Variants in CASP1 observed in about 807,000 individuals in gnomAD.
The protein encoded by CASP1 is caspase 1.
Under a neutral mutation model 41.2 loss-of-function variants are expected in CASP1, and 31 were observed. That is an observed-to-expected ratio of 0.75 (90% CI 0.57 to 1.02). CASP1 has a LOEUF of 1.02. Among genes scored for constraint, CASP1 ranks in the 50% least tolerant of loss-of-function variants. The pLI is 0.00. For synonymous variants in CASP1, 163 were observed against 166.5 expected (o/e 0.98, Z 0.16); for missense variants, 490 against 495.7 (o/e 0.99, Z 0.11).
At chr11:105,034,546 T>A in intron 1 of CASP1, 72 bp from the exon 2 acceptor site, 1 of 1,593,260 alleles carries the variant, frequency 6.3e-7, no homozygotes, top group South Asian at 1.1e-5. Context: ...CAACAGAAAG[T>A]GACCTCATTT....
chr11:105,030,547 T>C (rs1475979600), intron 4 of CASP1, 44 bp from the exon 5 acceptor site: 20 of 1,546,818 alleles, frequency 1.3e-5, no homozygotes, highest in Non-Finnish European at 1.5e-5. Flanking sequence ...TTCTTTCCAA[T>C]TAAATATTTC....
rs1030579352 is a variant in CASP1 at position 105,031,177 on chromosome 11, T to C, written c.441A>G (p.Gln147=). The change falls in exon 4 of 9, where the codon CAA becomes CAG. Residue 147 remains glutamine (Q), a synonymous_variant. Transcript: ENST00000533400. ...CTGAGCATGGCACCTCTGCCGACTT[T>C]TGTTTCCATATCCTTTGAGCTTCTT... ...SLEEAQRIWK[Q]KSAEIYPIMD... is the part of the protein sequence containing the mutation. 3.7e-6 allele frequency: 6 copies of C among 1,608,000 alleles called. No homozygotes were observed. Among genetic ancestry groups the C allele is most frequent in the Non-Finnish European group, 5.1e-6 (6 of 1,174,902 alleles).
chr11:105,026,931 G>T lies in CASP1; in HGVS notation c.1027C>A (p.Pro343Thr), dbSNP rs150511039. 3.1e-5 allele frequency: 49 copies of T among 1,593,088 alleles called. No homozygotes were observed. In the African/African-American group the frequency reaches 5.2e-4, roughly 17 times the overall value. The part of the protein sequence containing the change: ...STPDNVSWRH[P>T]TMGSVFIGRL... ...CCAATAAAAACAGAGCCCATTGTGG[G>T]ATGTCTCCAAGAAACATTATCTATG... The change falls in exon 8 of 9, where the codon CCC becomes ACC. Residue 343 changes from proline to threonine, a missense_variant. By Grantham distance (38) the Pro-to-Thr change is conservative (BLOSUM62 -1). Transcript: ENST00000533400.
chr11:105,036,650 A>T (rs951086591), upstream of CASP1, among the ~76,000 whole-genome samples: 3 of 152,076 alleles, frequency 2.0e-5, no homozygotes, highest in Admixed American at 1.3e-4. Flanking sequence ...TTTTGCTATG[A>T]TTCTGAGGCC....
intron 3 of CASP1, 134 bp from the exon 4 acceptor site, chr11:105,031,414 T>A (rs948310409): frequency 5.7e-6 from 3 of 525,616 alleles, no homozygotes; most frequent in East Asian, 3.0e-5. Context: ...ATCTACATCA[T>A]TAACACAGCT....
intron 7 of CASP1, 147 bp from the exon 8 acceptor site, chr11:105,027,098 G>A (rs1863354703): frequency 1.5e-6 from 1 of 683,320 alleles, no homozygotes; most frequent in Non-Finnish European, 2.6e-6. Context: ...GTAGAGGGGA[G>A]TGATTGGGAT....
At position 105,031,138 on chromosome 11, in the gene CASP1, T is replaced by C. The variant is rs892878435; in HGVS notation, c.453+27A>G. 3.0e-6 allele frequency: 4 copies of C among 1,333,508 alleles called. No homozygotes were observed. In the African/African-American group the frequency reaches 5.8e-5, roughly 19 times the overall value. The allele number at this position is 1,333,508 out of a possible 1,614,324, so 82.6% of individuals were successfully genotyped here. Reference sequence around the variant, plus strand: ...GCCTGAAGTGTTTCTTTCACCCCACTCTATCCTTGGGTTCTGAGCATGGCA... The same window carrying C: ...GCCTGAAGTGTTTCTTTCACCCCACCCTATCCTTGGGTTCTGAGCATGGCA... On this transcript the variant is annotated intron_variant, in intron 4 of 8. Transcript: ENST00000533400.
rs753761002 is a variant in CASP1 at position 105,029,858 on chromosome 11, C to A, written c.669G>T (p.Glu223Asp). The stretch of plus-strand genomic sequence containing the variant: ...GGAACGTGCTGTCAGAGGTCTTGTG[C>A]TCTGGGCGGTGTGCAAATGCCTCCA... ...TELEAFAHRP[E>D]HKTSDSTFLV... The change falls in exon 6 of 9, where the codon GAG becomes GAT. Residue 223 changes from glutamate to aspartate, a missense_variant. Physicochemically the swap from Glu to Asp is conservative, Grantham distance 45 (BLOSUM62 2). Coordinates refer to ENST00000533400, the MANE Select transcript of CASP1 (RefSeq NM_001257118.3). The A allele has an allele frequency of 5.0e-6, 8 of 1,613,772 alleles. No homozygotes were observed. Among genetic ancestry groups the A allele is most frequent in the Non-Finnish European group, 6.8e-6 (8 of 1,179,762 alleles).
chr11:105,030,254 T>C (rs1863602452), intron 5 of CASP1, 76 bp downstream of exon 5: 1 of 1,282,856 alleles, frequency 7.8e-7, no homozygotes, highest in African/African-American at 1.5e-5. Flanking sequence ...TTTCTTGGTC[T>C]TACAACCAAG....
At chr11:105,035,660 G>A (rs1371875423), upstream of CASP1, among the ~76,000 whole-genome samples, 6 of 103,046 alleles carry the variant, frequency 5.8e-5, no homozygotes, top group African/African-American at 2.3e-4. Context: ...CTGTCGTGCA[G>A]GCCGGAATGC....
chr11:105,035,092 C>A lies in CASP1; in HGVS notation c.7+15G>T, dbSNP rs745959532. ...TCTTCCCAGGGACCTGTTCTTGGAA[C>A]AGTAAAAGACTCACCGGCCATGGCT... On this transcript the variant is annotated intron_variant, in intron 1 of 8. Transcript: ENST00000533400. 6.8e-6 allele frequency: 11 copies of A among 1,613,108 alleles called. No homozygotes were observed. In the Admixed American group the frequency reaches 1.7e-4, roughly 24 times the overall value.
intron 6 of CASP1, 134 bp downstream of exon 6, chr11:105,029,531 C>A: frequency 1.5e-6 from 1 of 674,486 alleles, no homozygotes; most frequent in South Asian, 1.9e-5. Context: ...TTCACAGAAG[C>A]TGCATTCTTG....
chr11:105,033,761 C>A lies in CASP1; in HGVS notation c.274+447G>T, dbSNP rs1305614842. ...CGCCATCATTGAAATATATTTTATT[C>A]TTTTGGGAGGGTAAAATTTTGGAGA... On this transcript the variant is annotated intron_variant, in intron 2 of 8. Coordinates refer to ENST00000533400, the MANE Select transcript of CASP1 (RefSeq NM_001257118.3). 1.1e-5 allele frequency: 4 copies of A among 380,784 alleles called. No individual in the cohort carries two copies. The East Asian group carries it at 2.7e-4, about 26-fold the overall frequency. 23.6% of individuals were successfully genotyped at this position (380,784 alleles called of 1,614,324 possible). A position where few individuals can be genotyped will look rare whatever the true frequency, so the allele number is the denominator to read the frequency against.
chr11:105,026,992 GC>G lies in CASP1; in HGVS notation c.1007-42del, dbSNP rs56039250. ...ATTTCAAATCTCAAGACTGGCTCTT[GC>G]CTGAAGAAAGAGAAGAAACCCTAGT... On this transcript the variant is annotated intron_variant, in intron 7 of 8. Transcript: ENST00000533400. The G allele has an allele frequency of 5.9e-3, 6,720 of 1,135,426 alleles. 263 individuals carry two copies. The African/African-American group carries it at 0.086, about 14-fold the overall frequency. 70.3% of individuals were successfully genotyped at this position (1,135,426 alleles called of 1,614,324 possible).
Position 105,027,150 on chromosome 11 carries a change from T to C in CASP1, c.1007-199A>G, listed in dbSNP as rs530476224. The C allele has an allele frequency of 4.4e-4, 275 of 629,928 alleles. 4 individuals are homozygous for C. Among genetic ancestry groups the C allele is most frequent in the South Asian group, 4.0e-3 (216 of 53,874 alleles). The allele number at this position is 629,928 out of a possible 1,614,324, so 39.0% of individuals were successfully genotyped here. A position where few individuals can be genotyped will look rare whatever the true frequency, so the allele number is the denominator to read the frequency against. ...TAAATGTGCATTCCCAAAGTGGTAT[T>C]ACTGACTGTGATTTAAGTTAATTAT... On this transcript the variant is annotated intron_variant, in intron 7 of 8. Transcript: ENST00000533400.
chr11:105,035,916 G>A (rs1458781897), upstream of CASP1, among the ~76,000 whole-genome samples: 1 of 152,004 alleles, frequency 6.6e-6, no homozygotes, highest in African/African-American at 2.4e-5. Flanking sequence ...CACCCATCCT[G>A]GAGGGTTTAT....
rs1439423561 is a variant in CASP1, at chr11:105,031,218, T to G, written c.400A>C (p.Lys134Gln). 2 of 1,612,908 alleles carry G rather than the reference T, an allele frequency of 1.2e-6. No homozygotes were observed. Among genetic ancestry groups the G allele is most frequent in the African/African-American group, 2.7e-5 (2 of 74,856 alleles). Reference sequence around the variant, plus strand: ...TGAGCTTCTTCTAGGGAGCAAAGCTTGACATTCCCTTCTGAGCCTGAGGAT... The same window carrying G: ...TGAGCTTCTTCTAGGGAGCAAAGCTGGACATTCCCTTCTGAGCCTGAGGAT... ...PTSSGSEGNV[K>Q]LCSLEEAQRI... The change falls in exon 4 of 9, where the codon AAG (lysine) becomes CAG (glutamine). Residue 134 changes from lysine (K) to glutamine (Q), a missense_variant. By Grantham distance (53) the Lys-to-Gln change is moderately conservative. Coordinates refer to ENST00000533400, the MANE Select transcript of CASP1 (RefSeq NM_001257118.3).
intron 4 of CASP1, chr11:105,030,954 G>A (rs1281847695): frequency 9.8e-6 from 5 of 511,804 alleles, no homozygotes; most frequent in Middle Eastern, 3.8e-4. Flanking sequence ...TGTCATCACT[G>A]ATGTTATTTA....
chr11:105,027,272 C>A (rs1004584956), intron 7 of CASP1: 6 of 548,522 alleles, frequency 1.1e-5, no homozygotes, highest in Non-Finnish European at 1.9e-5. Flanking sequence ...TTTGAGATAA[C>A]CCAGGATATG....
Sources: allele counts gnomAD v4.1 joint callset (sites outside exome capture counted in the v4.1 genomes callset), GRCh38; gene constraint gnomAD v4.1.1; transcripts MANE v1.5; gene names NCBI Gene and HGNC (gene_info 2026-07-23, HGNC 2026-07-21).